The following GCFC2 variants were observed in gnomAD, a reference collection of about 807,000 sequenced individuals.
GCFC2 encodes GC-rich sequence DNA-binding factor 2, also known as intron Large complex component GCFC2.
Under a neutral mutation model 99.4 loss-of-function variants are expected in GCFC2, and 102 were observed. The observed-to-expected ratio is 1.03, with a 90% CI of 0.87 to 1.21. GCFC2 has a LOEUF of 1.21. GCFC2 is among the 50% of genes most tolerant of loss of function. The pLI, the probability that GCFC2 is intolerant of heterozygous loss-of-function variation, is 0.00. For synonymous variants in GCFC2, 338 were observed against 316.8 expected (o/e 1.07, Z -0.71); for missense variants, 973 against 920.9 (o/e 1.06, Z -0.73).
chr2:75,686,068 T>G (rs1437602142), intron 11 of GCFC2, among the ~76,000 whole-genome samples: 1 of 152,180 alleles, frequency 6.6e-6, no homozygotes, highest in Non-Finnish European at 1.5e-5. Flanking sequence ...CAGTGTTAAT[T>G]TCTCACAAAG....
chr2:75,692,805 A>T (rs1180354805), intron 6 of GCFC2, among the ~76,000 whole-genome samples: 1 of 152,050 alleles, frequency 6.6e-6, no homozygotes, highest in Non-Finnish European at 1.5e-5. Flanking sequence ...GGGCACTCAA[A>T]GCTGGTGAAA....
At chr2:75,702,548 G>T in intron 2 of GCFC2, 125 bp from the exon 3 acceptor site, 1 of 691,400 alleles carries the variant, frequency 1.4e-6, no homozygotes, top group Non-Finnish European at 2.4e-6. Context: ...ATATGAATGT[G>T]ACTTTAATAA....
At chr2:75,677,749 T>C (rs896585323) in intron 12 of GCFC2, among the ~76,000 whole-genome samples, 2 of 152,052 alleles carry the variant, frequency 1.3e-5, no homozygotes, top group African/African-American at 4.8e-5. Context: ...GAGGCCGAGG[T>C]GGGCGGATCA....
In GCFC2 at chr2:75,680,282, T is replaced by C. The variant is rs145081957; in HGVS notation, c.1723A>G (p.Thr575Ala). 358 of 1,608,974 alleles carry C rather than the reference T, an allele frequency of 2.2e-4. 1 individual carries two copies. Among genetic ancestry groups the C allele is most frequent in the African/African-American group, 2.1e-3 (156 of 74,928 alleles). The change falls in exon 12 of 17, where the codon ACC (threonine) becomes GCC (alanine). Residue 575 changes from threonine to alanine, a missense_variant. Coordinates refer to ENST00000321027, the MANE Select transcript of GCFC2 (RefSeq NM_003203.5). ...FVEFLWDPLS[T>A]SQTTSLITHC... ...GTTATTAAACTTGTTGTCTGTGAGG[T>C]TGACAAAGGATCCCAAAGGAATTCT... is the stretch of plus-strand genomic sequence containing the variant.
chr2:75,674,100 A>C (rs1168209120), intron 12 of GCFC2, among the ~76,000 whole-genome samples: 2 of 152,220 alleles, frequency 1.3e-5, no homozygotes, highest in Non-Finnish European at 2.9e-5. Flanking sequence ...ATCATTGAGT[A>C]ATGTGCTGTT....
intron 2 of GCFC2, among the ~76,000 whole-genome samples, chr2:75,705,103 T>C (rs1680781590): frequency 6.6e-6 from 1 of 152,234 alleles, no homozygotes; most frequent in South Asian, 2.1e-4. Flanking sequence ...CACTTGTGAC[T>C]AGTGGCTACC....
chr2:75,682,867 G>T (rs1330421318), intron 11 of GCFC2, among the ~76,000 whole-genome samples: 2 of 151,828 alleles, frequency 1.3e-5, no homozygotes, highest in Admixed American at 1.3e-4. Flanking sequence ...TCACCTCAAT[G>T]AAATAAAGCG....
At chr2:75,708,252 G>A (rs1431028864) in intron 1 of GCFC2, among the ~76,000 whole-genome samples, 2 of 152,134 alleles carry the variant, frequency 1.3e-5, no homozygotes, top group African/African-American at 4.8e-5. Context: ...ATTCTCTACT[G>A]TGAACCTAAC....
Position 75,666,724 on chromosome 2 carries a change from A to C in GCFC2, c.2104-671T>G, listed in dbSNP as rs1245286480. Among the ~76,000 whole-genome samples, 4 of 152,124 alleles carry C rather than the reference A, an allele frequency of 2.6e-5. No individual in the cohort carries two copies. The East Asian group carries it at 5.8e-4, about 22-fold the overall frequency. ...AAAAATTTAAAAAGTAAAAAAAAAA[A>C]AAACTTCCTCATAGCAGAAACAAGG... On this transcript the variant is annotated intron_variant, in intron 15 of 16. Transcript: ENST00000321027.
At chr2:75,693,188 T>C (rs913472192) in intron 6 of GCFC2, among the ~76,000 whole-genome samples, 2 of 152,142 alleles carry the variant, frequency 1.3e-5, no homozygotes, top group Admixed American at 6.5e-5. Context: ...CCTATAACCC[T>C]AGCACTTTGG....
At position 75,664,501 on chromosome 2, in the gene GCFC2, T is replaced by C. The variant is rs1573035878; in HGVS notation, c.*165A>G. 7.0e-6 allele frequency: 3 copies of C among 429,214 alleles called. No individual in the cohort carries two copies. The highest frequency in any genetic ancestry group is 6.0e-4 in the Middle Eastern group (1 of 1,664). 26.6% of individuals were successfully genotyped at this position (429,214 alleles called of 1,614,324 possible). On this transcript the variant is annotated 3_prime_UTR_variant, in exon 17 of 17. Transcript: ENST00000321027. ...ACAGAATCATGGCAGCTTTTCATGATGCCAGAAGGTAAAGCACGGGGGAAT... is the reference window on the plus strand; with the variant it reads ...ACAGAATCATGGCAGCTTTTCATGACGCCAGAAGGTAAAGCACGGGGGAAT...
intron 4 of GCFC2, chr2:75,697,871 A>C (rs1680401709): frequency 6.6e-6 from 1 of 152,470 alleles, no homozygotes; most frequent in South Asian, 2.1e-4. Flanking sequence ...CAGCCACCAG[A>C]AACTAGAAGA....
In GCFC2 at chr2:75,671,943, T is replaced by G; in HGVS notation, c.1956+7A>C. 1 of 1,526,596 alleles carries G rather than the reference T, an allele frequency of 6.6e-7. No individual in the cohort carries two copies. The highest frequency in any genetic ancestry group is 1.1e-5 in the South Asian group (1 of 88,720). The allele number at this position is 1,526,596 out of a possible 1,614,324, so 94.6% of individuals were successfully genotyped here. ...ATTGCCTTTTCATTTTTGCAGTTTT[T>G]GCTCACCTTTAGGCCTGACCAGAAC... is the stretch of plus-strand genomic sequence containing the variant. On this transcript the variant is annotated splice_region_variant and intron_variant, in intron 14 of 16. Transcript: ENST00000321027.
rs754707193 is a variant in GCFC2 at position 75,690,064 on chromosome 2, GCTTGT to G, written c.1239_1243del (p.Arg413SerfsTer9). The G allele has an allele frequency of 3.2e-5, 51 of 1,601,220 alleles. No individual in the cohort carries two copies. In the Admixed American group the frequency reaches 8.7e-4, roughly 27 times the overall value. On this transcript the variant is annotated frameshift_variant, in exon 9 of 17. Coordinates refer to ENST00000321027, the MANE Select transcript of GCFC2 (RefSeq NM_003203.5). LOFTEE classifies it high-confidence loss of function. ...GTTACAATTCCCAGAAAGCACCCTTGCTTGTCTTCTTTTTGTCCTATATTTTGCAA... is the reference window on the plus strand; with the variant it reads ...GTTACAATTCCCAGAAAGCACCCTTGCTTCTTTTTGTCCTATATTTTGCAA...
chr2:75,681,221 T>C (rs1679561468), intron 11 of GCFC2, among the ~76,000 whole-genome samples: 1 of 152,146 alleles, frequency 6.6e-6, no homozygotes, highest in African/African-American at 2.4e-5. Context: ...CATTTCCAAC[T>C]GAGGTACCCA....
chr2:75,706,665 T>A lies in GCFC2; in HGVS notation c.266-14A>T. 6.5e-7 allele frequency: 1 copy of A among 1,537,556 alleles called. No individual in the cohort carries two copies. Among genetic ancestry groups the A allele is most frequent in the Non-Finnish European group, 8.9e-7 (1 of 1,128,614 alleles). Reference sequence around the variant, plus strand: ...GGGTTCTGGATTCTAACAGGACATTTTAAAAATACAACAAAAAAGAGTCAA... The same window carrying A: ...GGGTTCTGGATTCTAACAGGACATTATAAAAATACAACAAAAAAGAGTCAA... On this transcript the variant is annotated splice_polypyrimidine_tract_variant and intron_variant, in intron 1 of 16. Coordinates refer to ENST00000321027, the MANE Select transcript of GCFC2 (RefSeq NM_003203.5).
chr2:75,691,936 T>A, intron 7 of GCFC2, 41 bp downstream of exon 7: 1 of 1,116,654 alleles, frequency 9.0e-7, no homozygotes, highest in Non-Finnish European at 1.2e-6. Flanking sequence ...ATAATTTAGC[T>A]TAATGAATAA....
upstream of GCFC2, chr2:75,710,946 C>A: frequency 7.3e-7 from 1 of 1,370,732 alleles, no homozygotes. Flanking sequence ...TCCCGCCGCG[C>A]CTGGCCGCCG....
chr2:75,699,282 T>G (rs1680468850), intron 4 of GCFC2, among the ~76,000 whole-genome samples: 1 of 152,228 alleles, frequency 6.6e-6, no homozygotes, highest in Admixed American at 6.5e-5. Context: ...TCCAAATGGT[T>G]AGTTCTTAGG....
Sources: gnomAD v4.1 joint callset for allele counts (sites outside exome capture counted in the v4.1 genomes callset) on GRCh38, gnomAD v4.1.1 for gene constraint, MANE v1.5 for transcripts, NCBI Gene and HGNC (gene_info 2026-07-23, HGNC 2026-07-21) for gene names.